Variants in ZNF717 observed in about 807,000 individuals in gnomAD.
ZNF717 encodes the protein zinc finger protein 717, also known as krueppel-like factor X17.
A neutral mutation model predicts 13.8 loss-of-function variants in ZNF717; 9 were observed. That is an observed-to-expected ratio of 0.65 (90% CI 0.39 to 1.14). The LOEUF (loss-of-function observed/expected upper bound fraction) is 1.14, where lower values mean the gene tolerates loss of function less well. ZNF717 is among the 50% of genes most tolerant of loss of function. ZNF717 has a pLI of 0.01. For missense variants in ZNF717, 1,040 were observed against 1,080.7 expected (o/e 0.96, Z 0.53); for synonymous variants, 327 against 364.1 (o/e 0.90, Z 1.16).
At chr3:75,709,268 G>A (rs1405330960), downstream of ZNF717, among the ~76,000 whole-genome samples, 2 of 152,044 alleles carry the variant, frequency 1.3e-5, no homozygotes, top group Non-Finnish European at 2.9e-5. Flanking sequence ...CCCAAGTGCT[G>A]GGGTTATAGG....
Position 75,737,556 on chromosome 3 carries a change from G to C in ZNF717, c.2067C>G (p.Thr689=). ...NVEKLFVRNH[T]LLYIRELTPG... is the part of the protein sequence containing the mutation. ...GTGTGAGTTCTCTGATGTATAATAA[G>C]GTATGATTTCTGACAAAAAGTTTTT... Residue 689 remains threonine (T), a synonymous_variant, in exon 5 of 5, where the codon ACC becomes ACG. Coordinates refer to ENST00000652011, the MANE Select transcript of ZNF717 (RefSeq NM_001290208.3). 6.4e-7 allele frequency: 1 copy of C among 1,551,468 alleles called. No individual in the cohort carries two copies. The highest frequency in any genetic ancestry group is 8.7e-7 in the Non-Finnish European group (1 of 1,146,628).
chr3:75,760,479 A>C (rs563622608), intron 2 of ZNF717, among the ~76,000 whole-genome samples: 1 of 152,392 alleles, frequency 6.6e-6, no homozygotes, highest in African/African-American at 2.4e-5. Flanking sequence ...TAGGACAAAA[A>C]AATGTTTAGG....
rs36024450 is a variant in ZNF717, at chr3:75,762,440, C to CAAA, written c.58-20707_58-20705dup. Among the ~76,000 whole-genome samples, 860 of 116,422 alleles carry CAAA rather than the reference C, an allele frequency of 7.4e-3. 10 individuals are homozygous for CAAA. The highest frequency in any genetic ancestry group is 0.025 in the African/African-American group (752 of 29,584). 76.4% of individuals were successfully genotyped at this position (116,422 alleles called of 152,430 possible). ...TGGGAGACAGAGCAAGACTCCATCT[C>CAAA]AAAAAAAAAAAAAAAAAAAGAATTA... On this transcript the variant is annotated intron_variant, in intron 2 of 4. Transcript: ENST00000652011.
Position 75,736,675 on chromosome 3 carries a change from C to A in ZNF717, c.*203G>T. 1 of 561,030 alleles carries A rather than the reference C, an allele frequency of 1.8e-6. No homozygotes were observed. The highest frequency in any genetic ancestry group is 3.0e-6 in the Non-Finnish European group (1 of 329,308). 34.8% of individuals were successfully genotyped at this position (561,030 alleles called of 1,614,324 possible). On this transcript the variant is annotated 3_prime_UTR_variant, in exon 5 of 5. Coordinates refer to ENST00000652011, the MANE Select transcript of ZNF717 (RefSeq NM_001290208.3). ...GTTGGTATATGAGCTTCTAGGAAAACAGCCATATCTGTGACATTAAAGTGC... is the reference window on the plus strand; with the variant it reads ...GTTGGTATATGAGCTTCTAGGAAAAAAGCCATATCTGTGACATTAAAGTGC...
intron 2 of ZNF717, among the ~76,000 whole-genome samples, chr3:75,765,684 T>C (rs1943408817): frequency 6.6e-6 from 1 of 151,992 alleles, no homozygotes; most frequent in Non-Finnish European, 1.5e-5. Flanking sequence ...AGAGCTGAGA[T>C]TACGAGCATG....
At chr3:75,780,996 G>C (rs1321581038) in intron 2 of ZNF717, among the ~76,000 whole-genome samples, 1 of 152,224 alleles carries the variant, frequency 6.6e-6, no homozygotes, top group African/African-American at 2.4e-5. Flanking sequence ...AAGTACATTT[G>C]CAATGGTAAT....
intron 6 of ZNF717, among the ~76,000 whole-genome samples, chr3:75,701,902 T>C (rs1937704858): frequency 6.6e-6 from 1 of 152,310 alleles, no homozygotes; most frequent in Admixed American, 6.5e-5. Context: ...TTACTGATCA[T>C]CATAGAAATG....
chr3:75,765,019 A>ATGTGTGTGTGTGTGTG (rs1943343841), intron 2 of ZNF717, among the ~76,000 whole-genome samples: 1 of 32,918 alleles, frequency 3.0e-5, no homozygotes, highest in African/African-American at 1.0e-4. Context: ...ATATATATAT[A>ATGTGTGTGTGTGTGTG]TATATATATA....
intron 2 of ZNF717, among the ~76,000 whole-genome samples, chr3:75,770,014 A>C (rs1451542203): frequency 6.6e-6 from 1 of 152,202 alleles, no homozygotes; most frequent in Non-Finnish European, 1.5e-5. Flanking sequence ...TTGTCTTTGC[A>C]TATTTCTTTA....
At position 75,723,558 on chromosome 3, in the gene ZNF717, T is replaced by C. The variant is rs1234187507; in HGVS notation, n.545-7017A>G. 2.5e-4 allele frequency among the ~76,000 whole-genome samples: 38 copies of C among 152,378 alleles called. No homozygotes were observed. In the East Asian group the frequency reaches 6.9e-3, roughly 28 times the overall value. On this transcript the variant is annotated intron_variant and non_coding_transcript_variant, in intron 4 of 5. Transcript: ENST00000491507. ...GTAGCATTACTCTTTATTCCAATAT[T>C]ATAATAATCTCTGTTCTACAACTAT...
chr3:75,782,054 C>T (rs1237171020), intron 2 of ZNF717, among the ~76,000 whole-genome samples: 1 of 152,144 alleles, frequency 6.6e-6, no homozygotes, highest in Admixed American at 6.5e-5. Flanking sequence ...CAGTCGCTGG[C>T]TAATAAAGGA....
exon 6 of ZNF717, chr3:75,710,043 CATT>C (rs1287867150): frequency 6.6e-6 from 1 of 152,008 alleles, no homozygotes; most frequent in Non-Finnish European, 1.5e-5. Flanking sequence ...ACCTGGAGTT[CATT>C]ATTAAGTTCG....
At chr3:75,725,565 T>A (rs1235019320), downstream of ZNF717, among the ~76,000 whole-genome samples, 14 of 152,362 alleles carry the variant, frequency 9.2e-5, no homozygotes, top group East Asian at 2.7e-3. Context: ...ATGCTGCTAA[T>A]ATGGACATGC....
chr3:75,727,913 C>A (rs1183944601), downstream of ZNF717, among the ~76,000 whole-genome samples: 1 of 152,234 alleles, frequency 6.6e-6, no homozygotes, highest in East Asian at 1.9e-4. Context: ...CCCCCAGAGG[C>A]CAAGCTGTAA....
At chr3:75,749,973 T>C (rs1368740231) in intron 2 of ZNF717, among the ~76,000 whole-genome samples, 1 of 151,530 alleles carries the variant, frequency 6.6e-6, no homozygotes, top group Non-Finnish European at 1.5e-5. Context: ...GTCTGAATGT[T>C]TGCCCCTCAC....
intron 2 of ZNF717, among the ~76,000 whole-genome samples, chr3:75,759,386 C>T (rs1222972142): frequency 6.6e-6 from 1 of 151,596 alleles, no homozygotes; most frequent in Admixed American, 6.6e-5. Context: ...CACCATTCTC[C>T]TGCCTCAACC....
intron 2 of ZNF717, among the ~76,000 whole-genome samples, chr3:75,779,403 C>CT (rs1360756826): frequency 6.7e-6 from 1 of 150,160 alleles, no homozygotes; most frequent in Non-Finnish European, 1.5e-5. Flanking sequence ...GAGTGATGTG[C>CT]TAAAACCGGA....
chr3:75,706,906 G>T (rs1394595402), downstream of ZNF717, among the ~76,000 whole-genome samples: 20 of 152,076 alleles, frequency 1.3e-4, no homozygotes, highest in Admixed American at 5.3e-4. Context: ...TTGTCCTCCA[G>T]GGCCTCTGGG....
rs368651870 is a variant in ZNF717, at chr3:75,785,347, T to C, written c.-3+37A>G. Reference sequence around the variant, plus strand: ...CGCTTCACTGCCGGGACCCCACGCCTGTCCTCCCAGCCCCCGCCAGGGTCC... The same window carrying C: ...CGCTTCACTGCCGGGACCCCACGCCCGTCCTCCCAGCCCCCGCCAGGGTCC... On this transcript the variant is annotated intron_variant, in intron 1 of 4. Coordinates refer to ENST00000652011, the MANE Select transcript of ZNF717 (RefSeq NM_001290208.3). The C allele has an allele frequency of 2.7e-3, 416 of 153,918 alleles. 8 individuals are homozygous for C. In the East Asian group the frequency reaches 0.07, roughly 26 times the overall value. 9.5% of individuals were successfully genotyped at this position (153,918 alleles called of 1,614,324 possible).
Sources: gnomAD v4.1 joint callset for allele counts (sites outside exome capture counted in the v4.1 genomes callset) on GRCh38, gnomAD v4.1.1 for gene constraint, MANE v1.5 for transcripts, NCBI Gene and HGNC (gene_info 2026-07-23, HGNC 2026-07-21) for gene names.